AFG2A: variants seen among roughly 807,000 people sequenced by gnomAD.
The protein encoded by AFG2A is ATPase family gene 2 protein homolog A.
At chr4:123,055,343 A>G in the AFG2A span, among the ~76,000 whole-genome samples, 1 of 152,144 alleles carries the variant, frequency 6.6e-6, no homozygotes, top group South Asian at 2.1e-4. Flanking sequence ...CTGAAATGTT[A>G]CTTTCTCTAG....
At chr4:122,939,434 T>A in the AFG2A span, among the ~76,000 whole-genome samples, 7 of 152,170 alleles carry the variant, frequency 4.6e-5, no homozygotes, top group African/African-American at 1.4e-4. Flanking sequence ...GAAGGAACAT[T>A]CATAGGACTA....
the AFG2A span, among the ~76,000 whole-genome samples, chr4:123,035,473 A>G: frequency 6.6e-6 from 1 of 152,204 alleles, no homozygotes; most frequent in African/African-American, 2.4e-5. Context: ...AAACAAAGAC[A>G]TATACTTAGT....
the AFG2A span, among the ~76,000 whole-genome samples, chr4:122,976,902 A>G: frequency 1.3e-5 from 2 of 152,060 alleles, no homozygotes; most frequent in Non-Finnish European, 2.9e-5. Flanking sequence ...TTTTTTATGG[A>G]TGTTGTTTTG....
chr4:123,172,163 G>A, the AFG2A span, among the ~76,000 whole-genome samples: 4 of 152,120 alleles, frequency 2.6e-5, no homozygotes, highest in Admixed American at 2.6e-4. Context: ...GGGGTAATTA[G>A]TACATAAACA....
chr4:123,253,097 T>TG, the AFG2A span, among the ~76,000 whole-genome samples: 1 of 152,202 alleles, frequency 6.6e-6, no homozygotes, highest in Admixed American at 6.5e-5. Context: ...CTCAGCACTT[T>TG]GGGAGGCCAA....
At chr4:123,080,816 T>A in the AFG2A span, among the ~76,000 whole-genome samples, 1 of 152,202 alleles carries the variant, frequency 6.6e-6, no homozygotes, top group South Asian at 2.1e-4. Context: ...CTCACATATA[T>A]CCACTTCTGT....
At chr4:122,976,612 C>G in the AFG2A span, among the ~76,000 whole-genome samples, 1 of 152,182 alleles carries the variant, frequency 6.6e-6, no homozygotes, top group Non-Finnish European at 1.5e-5. Context: ...CCTGACCCCT[C>G]ACTAGCCTCC....
the AFG2A span, among the ~76,000 whole-genome samples, chr4:123,087,886 C>T: frequency 6.6e-6 from 1 of 152,124 alleles, no homozygotes; most frequent in African/African-American, 2.4e-5. Flanking sequence ...GCTGTTAGGA[C>T]GGAGCGAAGA....
chr4:123,310,404 TTTTC>T, the AFG2A span, among the ~76,000 whole-genome samples: 1 of 152,250 alleles, frequency 6.6e-6, no homozygotes, highest in Non-Finnish European at 1.5e-5. Context: ...GTAATCCGTG[TTTTC>T]TTTCTTCCCA....
chr4:123,205,888 T>A, the AFG2A span, among the ~76,000 whole-genome samples: 1 of 152,204 alleles, frequency 6.6e-6, no homozygotes, highest in Non-Finnish European at 1.5e-5. Context: ...ACCTTTTTAG[T>A]ATTCAGGCAT....
the AFG2A span, among the ~76,000 whole-genome samples, chr4:123,111,074 G>A: frequency 6.6e-6 from 1 of 152,082 alleles, no homozygotes; most frequent in East Asian, 1.9e-4. Flanking sequence ...TACACAAAAG[G>A]AGATGGCTTG....
At chr4:123,070,924 A>G in the AFG2A span, among the ~76,000 whole-genome samples, 3 of 152,128 alleles carry the variant, frequency 2.0e-5, no homozygotes, top group Non-Finnish European at 2.9e-5. Flanking sequence ...TACGATTACT[A>G]TAGATTTTTA....
the AFG2A span, among the ~76,000 whole-genome samples, chr4:123,265,595 A>G: frequency 6.6e-6 from 1 of 152,106 alleles, no homozygotes; most frequent in Non-Finnish European, 1.5e-5. Context: ...TATGCCAGGT[A>G]TTTAAAAGTG....
the AFG2A span, among the ~76,000 whole-genome samples, chr4:123,129,698 G>A: frequency 6.6e-6 from 1 of 152,082 alleles, no homozygotes; most frequent in African/African-American, 2.4e-5. Flanking sequence ...GAATGTTGCA[G>A]TTTGTCAAGG....
the AFG2A span, among the ~76,000 whole-genome samples, chr4:123,199,782 G>T: frequency 6.6e-6 from 1 of 152,034 alleles, no homozygotes; most frequent in East Asian, 1.9e-4. Flanking sequence ...TATACTCAGA[G>T]TTCTAATGTT....
At chr4:123,074,379 T>C in the AFG2A span, among the ~76,000 whole-genome samples, 2 of 151,214 alleles carry the variant, frequency 1.3e-5, no homozygotes, top group Non-Finnish European at 3.0e-5. Context: ...ACTCTATACT[T>C]TTTTTTTAGG....
chr4:123,253,345 G>C, the AFG2A span, among the ~76,000 whole-genome samples: 1,773 of 152,172 alleles, frequency 0.012, 32 homozygotes, highest in African/African-American at 0.04. Flanking sequence ...TTAGCCAGGC[G>C]TGGTGGTGGG....
At chr4:122,998,151 A>C in the AFG2A span, among the ~76,000 whole-genome samples, 1 of 152,060 alleles carries the variant, frequency 6.6e-6, no homozygotes, top group Non-Finnish European at 1.5e-5. Flanking sequence ...AAAATTTTTG[A>C]TTAAGTCCAG....
chr4:123,115,176 C>T, the AFG2A span, among the ~76,000 whole-genome samples: 2 of 152,094 alleles, frequency 1.3e-5, no homozygotes, highest in Admixed American at 1.3e-4. Context: ...GCCGCAAGTT[C>T]CCCCTGTGGA....
Sources: gnomAD v4.1 joint callset for allele counts (sites outside exome capture counted in the v4.1 genomes callset) on GRCh38, gnomAD v4.1.1 for gene constraint, MANE v1.5 for transcripts, NCBI Gene and HGNC (gene_info 2026-07-23, HGNC 2026-07-21) for gene names.